The following NEGR1 variants were observed in gnomAD, a reference collection of about 807,000 sequenced individuals.
NEGR1 encodes the protein neuronal growth regulator 1.
In NEGR1, 10 loss-of-function variants were observed where a neutral mutation model predicts 40.9. The observed-to-expected ratio is 0.24, with a 90% CI of 0.15 to 0.42. The LOEUF (loss-of-function observed/expected upper bound fraction) is 0.42, where lower values mean the gene tolerates loss of function less well. Among genes scored for constraint, NEGR1 ranks in the 10% least tolerant of loss-of-function variants. The pLI is 1.00. For synonymous variants in NEGR1, 185 were observed against 166.8 expected, an observed-to-expected ratio of 1.11 and a Z score of -0.84; for missense variants, 352 against 438.9, an observed-to-expected ratio of 0.80 and a Z score of 1.77.
At chr1:71,901,805 C>T (rs1338722188) in intron 2 of NEGR1, among the ~76,000 whole-genome samples, 2 of 151,228 alleles carry the variant, frequency 1.3e-5, no homozygotes, top group Non-Finnish European at 2.9e-5. Flanking sequence ...TGAGTAGCTG[C>T]GATTACAGGC....
At chr1:72,110,730 T>C (rs933329162) in intron 1 of NEGR1, among the ~76,000 whole-genome samples, 5 of 151,608 alleles carry the variant, frequency 3.3e-5, no homozygotes, top group African/African-American at 1.2e-4. Context: ...TAAGACACAC[T>C]TGAAAAATGT....
chr1:71,505,117 TGAA>T (rs1256467127), intron 6 of NEGR1, among the ~76,000 whole-genome samples: 2 of 152,240 alleles, frequency 1.3e-5, no homozygotes, highest in South Asian at 4.2e-4. Flanking sequence ...AGGGATTCAT[TGAA>T]GAAGGACTAT....
At chr1:71,423,918 C>T (rs768670385) in intron 6 of NEGR1, among the ~76,000 whole-genome samples, 2 of 150,588 alleles carry the variant, frequency 1.3e-5, no homozygotes, top group Non-Finnish European at 3.0e-5. Context: ...CACTGTGAGC[C>T]GCAAATTTCT....
At chr1:71,910,468 A>G (rs1487282009) in intron 2 of NEGR1, among the ~76,000 whole-genome samples, 1 of 152,192 alleles carries the variant, frequency 6.6e-6, no homozygotes, top group Non-Finnish European at 1.5e-5. Flanking sequence ...ATACAATTTG[A>G]TATTGTTCAC....
intron 2 of NEGR1, among the ~76,000 whole-genome samples, chr1:71,873,672 C>T (rs1355169097): frequency 2.0e-5 from 3 of 152,126 alleles, no homozygotes; most frequent in Admixed American, 6.6e-5. Flanking sequence ...TCTCGATTTA[C>T]TCACATCTCT....
intron 2 of NEGR1, among the ~76,000 whole-genome samples, chr1:71,781,922 TCTC>T (rs1427110591): frequency 1.3e-5 from 2 of 152,254 alleles, no homozygotes; most frequent in African/African-American, 4.8e-5. Flanking sequence ...AACGGTGACT[TCTC>T]ATACCTCAAA....
intron 6 of NEGR1, among the ~76,000 whole-genome samples, chr1:71,568,208 C>G (rs563001713): frequency 3.4e-4 from 52 of 152,268 alleles, no homozygotes; most frequent in African/African-American, 1.2e-3. Flanking sequence ...ATTAACCCCT[C>G]TATGAAATCG....
intron 1 of NEGR1, among the ~76,000 whole-genome samples, chr1:72,147,329 G>A (rs1047346875): frequency 6.6e-6 from 1 of 152,054 alleles, no homozygotes; most frequent in African/African-American, 2.4e-5. Flanking sequence ...GCAGCAACAA[G>A]AGAAAAATGA....
At chr1:71,988,233 T>A (rs745496480) in intron 1 of NEGR1, among the ~76,000 whole-genome samples, 1 of 151,980 alleles carries the variant, frequency 6.6e-6, no homozygotes, top group Non-Finnish European at 1.5e-5. Flanking sequence ...GCCAGAGACA[T>A]CCATGTAAAA....
intron 1 of NEGR1, among the ~76,000 whole-genome samples, chr1:72,110,233 A>C (rs1350526895): frequency 1.3e-5 from 2 of 150,860 alleles, no homozygotes; most frequent in Non-Finnish European, 3.0e-5. Flanking sequence ...AAAAAAAAAA[A>C]AAAAAAAAAG....
intron 2 of NEGR1, among the ~76,000 whole-genome samples, chr1:71,931,839 A>T (rs896102870): frequency 3.9e-5 from 6 of 152,194 alleles, no homozygotes; most frequent in Admixed American, 2.0e-4. Context: ...TATTGTAATA[A>T]GGAGCTCTTG....
At chr1:71,550,641 G>C (rs181648506) in intron 6 of NEGR1, among the ~76,000 whole-genome samples, 1 of 151,598 alleles carries the variant, frequency 6.6e-6, no homozygotes, top group East Asian at 2.0e-4. Context: ...CCCTGCACTA[G>C]CTCCTGAGAC....
At chr1:72,035,197 C>G (rs1184495733) in intron 1 of NEGR1, among the ~76,000 whole-genome samples, 1 of 152,106 alleles carries the variant, frequency 6.6e-6, no homozygotes, top group African/African-American at 2.4e-5. Flanking sequence ...TGCATTCTGC[C>G]GCAAACCGGA....
At chr1:71,986,573 G>A (rs1646396467) in intron 1 of NEGR1, among the ~76,000 whole-genome samples, 2 of 152,058 alleles carry the variant, frequency 1.3e-5, no homozygotes, top group Non-Finnish European at 2.9e-5. Flanking sequence ...TACCATGAAG[G>A]GATTCCAAAT....
At chr1:71,681,130 T>C (rs1327412173) in intron 4 of NEGR1, among the ~76,000 whole-genome samples, 1 of 152,238 alleles carries the variant, frequency 6.6e-6, no homozygotes, top group Non-Finnish European at 1.5e-5. Context: ...GAAAGGTGGA[T>C]TTTTAGATAT....
In NEGR1 at chr1:71,999,082, G is replaced by A. The variant is rs962754656; in HGVS notation, c.177-63771C>T. ...CATCTATGAAACACACAAATGCCAG[G>A]CTTTACTATGGTTTTAGGTTTGCCT... On this transcript the variant is annotated intron_variant, in intron 1 of 6. Transcript: ENST00000357731. Among the ~76,000 whole-genome samples, 12 of 151,878 alleles carry A rather than the reference G, an allele frequency of 7.9e-5. No homozygotes were observed. The East Asian group carries it at 1.9e-3, about 24-fold the overall frequency.
chr1:71,840,396 T>C (rs950622975), intron 2 of NEGR1, among the ~76,000 whole-genome samples: 3 of 152,152 alleles, frequency 2.0e-5, no homozygotes, highest in Non-Finnish European at 2.9e-5. Flanking sequence ...AAAAAAGATA[T>C]ATCTAATAAG....
chr1:71,590,524 G>A (rs1294151420), intron 6 of NEGR1, among the ~76,000 whole-genome samples: 4 of 151,862 alleles, frequency 2.6e-5, no homozygotes, highest in African/African-American at 7.3e-5. Context: ...GTGCTTTGCC[G>A]GGTGTAGGCA....
chr1:72,148,015 T>C (rs1650974814), intron 1 of NEGR1, among the ~76,000 whole-genome samples: 1 of 152,038 alleles, frequency 6.6e-6, no homozygotes, highest in African/African-American at 2.4e-5. Context: ...TCCAGGTGCA[T>C]GGTGCAAGCT....
Sources: allele counts gnomAD v4.1 joint callset (sites outside exome capture counted in the v4.1 genomes callset), GRCh38; gene constraint gnomAD v4.1.1; transcripts MANE v1.5; gene names NCBI Gene and HGNC (gene_info 2026-07-23, HGNC 2026-07-21).